The following SLC9A4 variants were observed in gnomAD, a reference collection of about 807,000 sequenced individuals.
The protein encoded by SLC9A4 is sodium/hydrogen exchanger 4.
In SLC9A4, 63 loss-of-function variants were observed where a neutral mutation model predicts 67.4. The observed-to-expected ratio is 0.93, with a 90% CI of 0.76 to 1.15. The LOEUF is 1.15. Ranked by LOEUF, SLC9A4 falls within the 50% of genes most tolerant of loss-of-function variation. The pLI, the probability that SLC9A4 is intolerant of heterozygous loss-of-function variation, is 0.00. For synonymous variants in SLC9A4, 393 were observed against 367.2 expected (o/e 1.07, Z -0.80); for missense variants, 1,089 against 987.7 (o/e 1.10, Z -1.38).
chr2:102,494,346 C>A (rs181094569), intron 2 of SLC9A4, among the ~76,000 whole-genome samples: 1 of 149,282 alleles, frequency 6.7e-6, no homozygotes, highest in African/African-American at 2.6e-5. Context: ...TGCAAAAAAT[C>A]TGGTCAATAG....
intron 11 of SLC9A4, among the ~76,000 whole-genome samples, chr2:102,526,893 A>G (rs1452074952): frequency 1.3e-5 from 2 of 152,322 alleles, no homozygotes; most frequent in African/African-American, 2.4e-5. Context: ...CTATTTTTAT[A>G]TGTGTATAAA....
chr2:102,486,404 A>T (rs1212869447), intron 2 of SLC9A4, among the ~76,000 whole-genome samples: 6 of 152,154 alleles, frequency 3.9e-5, no homozygotes, highest in Non-Finnish European at 5.9e-5. Context: ...CTCTCCTGAC[A>T]CCCTAATGAT....
Position 102,473,797 on chromosome 2 carries a change from A to G in SLC9A4, c.38A>G (p.Asn13Ser). 2 of 1,614,074 alleles carry G rather than the reference A, an allele frequency of 1.2e-6. No individual in the cohort carries two copies. The highest frequency in any genetic ancestry group is 1.7e-6 in the Non-Finnish European group (2 of 1,179,938). Residue 13 changes from asparagine to serine, a missense_variant, in exon 1 of 12, where the codon AAT becomes AGT. Coordinates refer to ENST00000295269, the MANE Select transcript of SLC9A4 (RefSeq NM_001011552.4). ...LQMFVTYSPW[N>S]CLLLLVALEC... ...ATGTTCGTGACTTACAGTCCTTGGA[A>G]TTGTTTGCTACTGCTAGTGGCTCTT...
chr2:102,523,630 C>T (rs1210353316), intron 9 of SLC9A4, among the ~76,000 whole-genome samples: 3 of 152,192 alleles, frequency 2.0e-5, no homozygotes, highest in African/African-American at 7.2e-5. Context: ...TGTGTGCACC[C>T]TCCTAAAAAG....
At chr2:102,530,068 A>G (rs2104452098) in intron 11 of SLC9A4, among the ~76,000 whole-genome samples, 1 of 152,318 alleles carries the variant, frequency 6.6e-6, no homozygotes, top group East Asian at 1.9e-4. Flanking sequence ...TTATAGTTAG[A>G]TGAAAAAAAT....
At chr2:102,522,149 C>G (rs1447993502) in intron 9 of SLC9A4, among the ~76,000 whole-genome samples, 2 of 152,218 alleles carry the variant, frequency 1.3e-5, no homozygotes, top group Non-Finnish European at 2.9e-5. Flanking sequence ...AAGAAACTGG[C>G]TTCAGCCCAG....
In SLC9A4 at chr2:102,532,391, G is replaced by A. The variant is rs75891521; in HGVS notation, c.2100G>A (p.Gly700=). 8.8e-4 allele frequency: 1,421 copies of A among 1,614,178 alleles called. 20 individuals carry two copies. The African/African-American group carries it at 0.017, about 19-fold the overall frequency. ...CGTTCAGCGCATGCTCTCGGATAGG[G>A]TCACTTCAGAAGCAAGAGGCACAAG... ...SITFSACSRI[G]SLQKQEAQEI... The change falls in exon 12 of 12, where the codon GGG becomes GGA. Residue 700 remains glycine, a synonymous_variant. Coordinates refer to ENST00000295269, the MANE Select transcript of SLC9A4 (RefSeq NM_001011552.4).
intron 4 of SLC9A4, among the ~76,000 whole-genome samples, chr2:102,507,475 C>T (rs1685073347): frequency 1.3e-5 from 2 of 152,250 alleles, no homozygotes; most frequent in East Asian, 1.9e-4. Context: ...AGCTCTTCCA[C>T]CCTAAACCTT....
chr2:102,503,706 G>A lies in SLC9A4; in HGVS notation c.979G>A (p.Ala327Thr), dbSNP rs1386208516. The change falls in exon 3 of 12, where the codon GCA (alanine) becomes ACA (threonine). Residue 327 changes from alanine (A) to threonine (T), a missense_variant and splice_region_variant. Ala to Thr is a moderately conservative substitution (Grantham distance 58). Coordinates refer to ENST00000295269, the MANE Select transcript of SLC9A4 (RefSeq NM_001011552.4). ...AACCCTCTATCTCTCCGGCATCCTG[G>A]CGTGAGTACAAACCAAGGATCAAGT... is the stretch of plus-strand genomic sequence containing the variant. The part of the protein sequence containing the change: ...AETLYLSGIL[A>T]ITACAVTMKK... The A allele has an allele frequency of 8.7e-6, 14 of 1,613,760 alleles. No homozygotes were observed. The highest frequency in any genetic ancestry group is 1.1e-5 in the Non-Finnish European group (13 of 1,179,848).
chr2:102,477,177 AT>A (rs1256435129), intron 1 of SLC9A4, among the ~76,000 whole-genome samples: 1 of 152,038 alleles, frequency 6.6e-6, no homozygotes, highest in Non-Finnish European at 1.5e-5. Flanking sequence ...TTTCAAAATC[AT>A]TTTCCAAGTC....
chr2:102,515,795 C>T (rs1209251851), intron 8 of SLC9A4, among the ~76,000 whole-genome samples: 2 of 152,108 alleles, frequency 1.3e-5, no homozygotes, highest in African/African-American at 4.8e-5. Context: ...TGTTAAGACA[C>T]CTCCTATGTG....
intron 2 of SLC9A4, among the ~76,000 whole-genome samples, chr2:102,479,978 G>T (rs187212885): frequency 3.3e-5 from 5 of 152,186 alleles, no homozygotes; most frequent in African/African-American, 9.7e-5. Context: ...AGCCAGTCCC[G>T]TTGCTCAATT....
chr2:102,480,787 C>T (rs1282729070), intron 2 of SLC9A4, among the ~76,000 whole-genome samples: 3 of 152,170 alleles, frequency 2.0e-5, no homozygotes, highest in Non-Finnish European at 4.4e-5. Flanking sequence ...GATGGCCAAA[C>T]ACAGACACCC....
rs6708944 is a variant in SLC9A4, at chr2:102,507,492, G to C, written c.1199-587G>C. Among the ~76,000 whole-genome samples, 1,519 of 152,176 alleles carry C rather than the reference G, an allele frequency of 1.0e-2. 23 individuals are homozygous for C. Among genetic ancestry groups the C allele is most frequent in the African/African-American group, 0.034 (1,411 of 41,496 alleles). On this transcript the variant is annotated intron_variant, in intron 4 of 11. Transcript: ENST00000295269. ...CTCTTCCACCCTAAACCTTCTGTTTGAGAAGCTCACTGAGAGTAAGAAGCG... is the reference window on the plus strand; with the variant it reads ...CTCTTCCACCCTAAACCTTCTGTTTCAGAAGCTCACTGAGAGTAAGAAGCG...
intron 1 of SLC9A4, among the ~76,000 whole-genome samples, 159 bp from the exon 2 acceptor site, chr2:102,478,680 C>T (rs1440444054): frequency 6.6e-6 from 1 of 152,138 alleles, no homozygotes; most frequent in Non-Finnish European, 1.5e-5. Context: ...ATCTTATTGG[C>T]GACCCTCATG....
intron 2 of SLC9A4, among the ~76,000 whole-genome samples, chr2:102,501,723 G>C (rs1169073885): frequency 6.6e-6 from 1 of 151,974 alleles, no homozygotes; most frequent in Non-Finnish European, 1.5e-5. Flanking sequence ...TGTGGTTCTG[G>C]TGAGTCCTGA....
chr2:102,506,119 GT>G (rs1258291519), intron 4 of SLC9A4, among the ~76,000 whole-genome samples: 2 of 152,218 alleles, frequency 1.3e-5, no homozygotes, highest in Non-Finnish European at 2.9e-5. Context: ...CAACTTTAGA[GT>G]GTAACTGGCA....
At chr2:102,527,165 T>C (rs1199612278) in intron 11 of SLC9A4, among the ~76,000 whole-genome samples, 1 of 152,166 alleles carries the variant, frequency 6.6e-6, no homozygotes, top group Non-Finnish European at 1.5e-5. Context: ...TTTGCAACCC[T>C]AATGCCAAGG....
At chr2:102,482,468 TC>T (rs1404340228) in intron 2 of SLC9A4, among the ~76,000 whole-genome samples, 36 of 152,326 alleles carry the variant, frequency 2.4e-4, no homozygotes, top group Middle Eastern at 3.4e-3. Flanking sequence ...GTCTCTGAGA[TC>T]CCCTTTCCCC....
Sources: gnomAD v4.1 joint callset for allele counts (sites outside exome capture counted in the v4.1 genomes callset) on GRCh38, gnomAD v4.1.1 for gene constraint, MANE v1.5 for transcripts, NCBI Gene and HGNC (gene_info 2026-07-23, HGNC 2026-07-21) for gene names.